The following ZFHX3 variants were observed in gnomAD, a reference collection of about 807,000 sequenced individuals.
ZFHX3 encodes zinc finger homeobox 3, also known as zinc finger homeobox protein 3.
A neutral mutation model predicts 279.1 loss-of-function variants in ZFHX3; 42 were observed. The observed-to-expected ratio is 0.15, with a 90% CI of 0.12 to 0.19. The LOEUF (loss-of-function observed/expected upper bound fraction) is 0.19. ZFHX3 is among the 10% of genes least tolerant of loss of function. The pLI is 1.00. For synonymous variants in ZFHX3, 2,293 were observed against 1,957.8 expected (o/e 1.17, Z -4.52); for missense variants, 4,981 against 4,754.0 (o/e 1.05, Z -1.40).
intron 2 of ZFHX3, among the ~76,000 whole-genome samples, chr16:73,645,853 TTCTTAA>T (rs887528605): frequency 2.0e-5 from 3 of 152,208 alleles, no homozygotes; most frequent in African/African-American, 7.2e-5. Context: ...ATTTCTTTCT[TTCTTAA>T]TCTTATCAGC....
chr16:72,812,127 A>G (rs1021222207), intron 5 of ZFHX3, 89 bp from the exon 6 acceptor site: 2 of 1,503,302 alleles, frequency 1.3e-6, no homozygotes, highest in Non-Finnish European at 1.8e-6. Context: ...ACATTCATTT[A>G]TAGCACAGGA....
intron 9 of ZFHX3, among the ~76,000 whole-genome samples, chr16:72,792,095 A>C (rs1567511501): frequency 6.6e-6 from 1 of 152,216 alleles, no homozygotes; most frequent in Non-Finnish European, 1.5e-5. Flanking sequence ...CTGGAGGTGA[A>C]GGTCCAATTT....
chr16:73,114,643 C>T (rs1004687323), intron 7 of ZFHX3, among the ~76,000 whole-genome samples: 2 of 152,070 alleles, frequency 1.3e-5, no homozygotes, highest in Admixed American at 6.5e-5. Context: ...TGCGTCACTG[C>T]ACTCCAACCT....
chr16:73,546,670 G>GC (rs1252204970), intron 2 of ZFHX3, among the ~76,000 whole-genome samples: 38 of 137,184 alleles, frequency 2.8e-4, no homozygotes, highest in Admixed American at 6.0e-4. Flanking sequence ...GGGTGCTGCT[G>GC]TTGCTGCTGC....
At chr16:73,097,469 T>C (rs1388465495) in intron 7 of ZFHX3, among the ~76,000 whole-genome samples, 1 of 152,232 alleles carries the variant, frequency 6.6e-6, no homozygotes, top group African/African-American at 2.4e-5. Flanking sequence ...ATAGCTTTCA[T>C]GACTTTTCAA....
intron 7 of ZFHX3, among the ~76,000 whole-genome samples, chr16:72,808,638 T>C (rs1166780185): frequency 6.6e-6 from 1 of 152,226 alleles, no homozygotes; most frequent in African/African-American, 2.4e-5. Flanking sequence ...CAGAAATGTC[T>C]AGAAAACATC....
chr16:73,443,701 T>G (rs2018134867), intron 3 of ZFHX3, among the ~76,000 whole-genome samples: 1 of 152,152 alleles, frequency 6.6e-6, no homozygotes, highest in Non-Finnish European at 1.5e-5. Context: ...GAATAATGAT[T>G]CAAAAATATC....
intron 2 of ZFHX3, among the ~76,000 whole-genome samples, chr16:73,496,861 T>A (rs1004136706): frequency 6.6e-6 from 1 of 152,170 alleles, no homozygotes; most frequent in East Asian, 1.9e-4. Context: ...TCCCTCTGCG[T>A]TGGGTGGCCT....
intron 1 of ZFHX3, among the ~76,000 whole-genome samples, chr16:73,751,053 A>C (rs540572094): frequency 9.4e-4 from 143 of 152,334 alleles, no homozygotes; most frequent in Non-Finnish European, 1.7e-3. Context: ...AGTATTTTGC[A>C]TCCATTTAAT....
At chr16:73,274,688 T>TTAA (rs556356105) in intron 4 of ZFHX3, among the ~76,000 whole-genome samples, 180 of 152,330 alleles carry the variant, frequency 1.2e-3, no homozygotes, top group African/African-American at 4.1e-3. Context: ...CCAAATTGCT[T>TTAA]TAATTATTGT....
rs191056912 is a variant in ZFHX3, at chr16:73,213,347, T to G, written c.-1104+43700A>C. Among the ~76,000 whole-genome samples, 296 of 152,342 alleles carry G rather than the reference T, an allele frequency of 1.9e-3. 8 individuals are homozygous for G. The South Asian group carries it at 0.038, about 20-fold the overall frequency. On this transcript the variant is annotated intron_variant, in intron 5 of 17. Coordinates refer to the ZFHX3 transcript ENST00000641206. Reference sequence around the variant, plus strand: ...TTTGACACCCTGCCTCACCAAGTTTTCCTTTCCTTCTCTTTTCTCTCAACT... The same window carrying G: ...TTTGACACCCTGCCTCACCAAGTTTGCCTTTCCTTCTCTTTTCTCTCAACT...
At chr16:73,142,502 T>TC (rs1012735636) in intron 6 of ZFHX3, among the ~76,000 whole-genome samples, 5 of 152,074 alleles carry the variant, frequency 3.3e-5, no homozygotes, top group Admixed American at 2.0e-4. Flanking sequence ...AATCTGTTTC[T>TC]CCCCCCATCG....
intron 4 of ZFHX3, among the ~76,000 whole-genome samples, chr16:72,862,703 C>A (rs1406001671): frequency 6.6e-6 from 1 of 152,110 alleles, no homozygotes; most frequent in African/African-American, 2.4e-5. Flanking sequence ...TATCAGTTCA[C>A]AGAAAACACA....
intron 5 of ZFHX3, among the ~76,000 whole-genome samples, chr16:73,175,941 G>C (rs1967653904): frequency 6.6e-6 from 1 of 152,122 alleles, no homozygotes; most frequent in African/African-American, 2.4e-5. Flanking sequence ...CCAGCACAAG[G>C]AATATTTGTG....
At chr16:73,389,408 T>C (rs1387528144) in intron 3 of ZFHX3, among the ~76,000 whole-genome samples, 3 of 152,234 alleles carry the variant, frequency 2.0e-5, no homozygotes, top group Non-Finnish European at 4.4e-5. Context: ...ATCTTATATC[T>C]AGAAAATCTA....
At chr16:72,922,946 T>C (rs1454234016) in intron 3 of ZFHX3, among the ~76,000 whole-genome samples, 2 of 152,078 alleles carry the variant, frequency 1.3e-5, no homozygotes, top group Admixed American at 6.6e-5. Flanking sequence ...TAAGTCCATA[T>C]ATGGTAAAGC....
intron 9 of ZFHX3, 144 bp from the exon 10 acceptor site, chr16:72,788,992 G>C: frequency 7.9e-7 from 1 of 1,261,808 alleles, no homozygotes; most frequent in South Asian, 1.9e-5. Context: ...TCCAACAGAA[G>C]TATCCCACCA....
chr16:73,835,985 A>G (rs1273190073), intron 1 of ZFHX3, among the ~76,000 whole-genome samples: 1 of 152,210 alleles, frequency 6.6e-6, no homozygotes, highest in African/African-American at 2.4e-5. Flanking sequence ...ATGGAAATGA[A>G]AAGAATTATA....
At chr16:72,918,122 A>G (rs947572379) in intron 3 of ZFHX3, among the ~76,000 whole-genome samples, 1 of 152,148 alleles carries the variant, frequency 6.6e-6, no homozygotes, top group Non-Finnish European at 1.5e-5. Flanking sequence ...GGAAAGGGAC[A>G]GACTCCCTGT....
Sources: gnomAD v4.1 joint callset for allele counts (sites outside exome capture counted in the v4.1 genomes callset) on GRCh38, gnomAD v4.1.1 for gene constraint, MANE v1.5 for transcripts, NCBI Gene and HGNC (gene_info 2026-07-23, HGNC 2026-07-21) for gene names.